Variants in SLC6A2 observed in about 807,000 individuals in gnomAD.
The protein encoded by SLC6A2 is solute carrier family 6 member 2.
SLC6A2 carries 26 observed loss-of-function variants against 71.7 expected under a neutral mutation model. The ratio of observed to expected loss-of-function variants is 0.36; its 90% CI spans 0.27 to 0.50. The LOEUF is 0.50. Ranked by LOEUF, SLC6A2 falls within the 20% of genes least tolerant of loss-of-function variation. The pLI is 0.96. For missense variants in SLC6A2, 581 were observed against 803.9 expected (o/e 0.72, Z 3.35); for synonymous variants, 363 against 337.9 (o/e 1.07, Z -0.82).
Position 55,702,767 on chromosome 16 carries a change from A to G in SLC6A2, c.*421A>G. 9.5e-7 allele frequency: 1 copy of G among 1,054,294 alleles called. No homozygotes were observed. The highest frequency in any genetic ancestry group is 1.1e-6 in the Non-Finnish European group (1 of 873,084). 65.3% of individuals were successfully genotyped at this position (1,054,294 alleles called of 1,614,324 possible). A position where few individuals can be genotyped will look rare whatever the true frequency, so the allele number is the denominator to read the frequency against. ...CCTCCCAAAAAAAAAAAAAACTAAA[A>G]CTAAAGCAAAAATCAAACAAAATCT... On this transcript the variant is annotated 3_prime_UTR_variant, in exon 15 of 15. Coordinates refer to ENST00000568943, the MANE Select transcript of SLC6A2 (RefSeq NM_001172501.3).
intron 2 of SLC6A2, among the ~76,000 whole-genome samples, chr16:55,666,121 G>A (rs2142499805): frequency 6.6e-6 from 1 of 152,314 alleles, no homozygotes; most frequent in Middle Eastern, 3.4e-3. Context: ...TTCCAGGTCT[G>A]CCCTCACCAG....
intron 4 of SLC6A2, among the ~76,000 whole-genome samples, chr16:55,681,431 TTCGGGTC>T (rs1202762827): frequency 1.3e-5 from 2 of 152,216 alleles, no homozygotes. Context: ...GATGAAAGGA[TTCGGGTC>T]ACACAGGATC....
chr16:55,702,433 G>C lies in SLC6A2; in HGVS notation c.*87G>C. 5.0e-6 allele frequency: 8 copies of C among 1,611,942 alleles called. No homozygotes were observed. The highest frequency in any genetic ancestry group is 6.8e-6 in the Non-Finnish European group (8 of 1,178,984). On this transcript the variant is annotated 3_prime_UTR_variant, in exon 15 of 15. Transcript: ENST00000568943. ...GCTCCCACCTCGGACACCATCTTGG[G>C]ATTCCTCCCCTGGAAGTTGTCCTTT...
rs1361558093 is a variant in SLC6A2 at position 55,705,978 on chromosome 16, C to T, written c.*3632C>T. ...GCTGTGGTCTTAGAAGCCACTGAAACATTGGTGAATGTGAAGTCACTTTTG... is the reference window on the plus strand; with the variant it reads ...GCTGTGGTCTTAGAAGCCACTGAAATATTGGTGAATGTGAAGTCACTTTTG... On this transcript the variant is annotated 3_prime_UTR_variant, in exon 15 of 15. Coordinates refer to ENST00000568943, the MANE Select transcript of SLC6A2 (RefSeq NM_001172501.3). 6.6e-6 allele frequency: 1 copy of T among 152,236 alleles called. No homozygotes were observed. The highest frequency in any genetic ancestry group is 2.1e-4 in the South Asian group (1 of 4,832). The allele number at this position is 152,236 out of a possible 1,614,324, so 9.4% of individuals were successfully genotyped here.
At position 55,672,170 on chromosome 16, in the gene SLC6A2, T is replaced by C. The variant is rs1197515457; in HGVS notation, c.639T>C (p.Phe213=). Residue 213 remains phenylalanine (F), a synonymous_variant, in exon 4 of 15, where the codon TTT becomes TTC. Coordinates refer to ENST00000568943, the MANE Select transcript of SLC6A2 (RefSeq NM_001172501.3). The part of the protein sequence containing the change: ...SKYKFTPAAE[F]YERGVLHLHE... ...ACAAGTTCACGCCGGCAGCCGAGTT[T>C]TATGAGTAAGTCACAGACCCCTTGT... is the stretch of plus-strand genomic sequence containing the variant. 1 of 1,614,108 alleles carries C rather than the reference T, an allele frequency of 6.2e-7. No homozygotes were observed.
intron 2 of SLC6A2, among the ~76,000 whole-genome samples, chr16:55,662,601 A>G (rs536494615): frequency 4.6e-5 from 7 of 152,200 alleles, no homozygotes; most frequent in African/African-American, 1.7e-4. Flanking sequence ...AGAGACTAAG[A>G]TGGAGGAAAT....
At position 55,704,419 on chromosome 16, in the gene SLC6A2, C is replaced by T. The variant is rs1452199096; in HGVS notation, c.*2073C>T. 6.6e-6 allele frequency: 1 copy of T among 152,140 alleles called. No individual in the cohort carries two copies. Among genetic ancestry groups the T allele is most frequent in the Non-Finnish European group, 1.5e-5 (1 of 68,050 alleles). 9.4% of individuals were successfully genotyped at this position (152,140 alleles called of 1,614,324 possible). On this transcript the variant is annotated 3_prime_UTR_variant, in exon 15 of 15. Coordinates refer to ENST00000568943, the MANE Select transcript of SLC6A2 (RefSeq NM_001172501.3). ...ATATTCCCTGCACAATAGGGTTCAC[C>T]CCACCCAGGACTGTCATTTTTAAAA...
At chr16:55,700,859 A>G (rs1390040096) in intron 13 of SLC6A2, among the ~76,000 whole-genome samples, 2 of 151,806 alleles carry the variant, frequency 1.3e-5, no homozygotes, top group African/African-American at 4.9e-5. Context: ...GTGTATATAC[A>G]TACATGTATA....
Position 55,696,231 on chromosome 16 carries a change from G to T in SLC6A2, c.1154G>T (p.Gly385Val), listed in dbSNP as rs1965793779. The T allele has an allele frequency of 6.3e-7, 1 of 1,598,956 alleles. No individual in the cohort carries two copies. The highest frequency in any genetic ancestry group is 1.3e-5 in the African/African-American group (1 of 74,544). ...NIEDVATEGA[G>V]LVFILYPEAI... Reference sequence around the variant, plus strand: ...TCCTTGATGTTTCTTACAGGAGCTGGCCTAGTGTTCATCCTGTATCCAGAG... The same window carrying T: ...TCCTTGATGTTTCTTACAGGAGCTGTCCTAGTGTTCATCCTGTATCCAGAG... Residue 385 changes from glycine to valine, a missense_variant, in exon 9 of 15, where the codon GGC becomes GTC. Coordinates refer to ENST00000568943, the MANE Select transcript of SLC6A2 (RefSeq NM_001172501.3).
chr16:55,695,273 C>T lies in SLC6A2; in HGVS notation c.1023-5C>T. The T allele has an allele frequency of 6.2e-7, 1 of 1,614,088 alleles. No homozygotes were observed. Among genetic ancestry groups the T allele is most frequent in the Non-Finnish European group, 8.5e-7 (1 of 1,180,004 alleles). Reference sequence around the variant, plus strand: ...GACTTGACCTCACTGTGCTTCTTCCCCCAGGGATGCCCTGCTGACCAGCAG... The same window carrying T: ...GACTTGACCTCACTGTGCTTCTTCCTCCAGGGATGCCCTGCTGACCAGCAG... On this transcript the variant is annotated splice_region_variant and splice_polypyrimidine_tract_variant and intron_variant, in intron 7 of 14. Coordinates refer to ENST00000568943, the MANE Select transcript of SLC6A2 (RefSeq NM_001172501.3).
chr16:55,659,692 C>A (rs1351450759), intron 2 of SLC6A2, among the ~76,000 whole-genome samples: 1 of 152,178 alleles, frequency 6.6e-6, no homozygotes, highest in Admixed American at 6.5e-5. Context: ...TGCTCCAAGC[C>A]CTCAAAGACC....
rs1174204558 is a variant in SLC6A2 at position 55,705,083 on chromosome 16, G to A, written c.*2737G>A. On this transcript the variant is annotated 3_prime_UTR_variant, in exon 15 of 15. Coordinates refer to ENST00000568943, the MANE Select transcript of SLC6A2 (RefSeq NM_001172501.3). ...CTGTGTACTGTATATGACACTTGAC[G>A]CTTTTGATATTTTTTCAGGTTTTTA... 7 of 762,676 alleles carry A rather than the reference G, an allele frequency of 9.2e-6. No individual in the cohort carries two copies. The highest frequency in any genetic ancestry group is 6.3e-5 in the Admixed American group (3 of 47,748). 47.2% of individuals were successfully genotyped at this position (762,676 alleles called of 1,614,324 possible). A position where few individuals can be genotyped will look rare whatever the true frequency, so the allele number is the denominator to read the frequency against.
chr16:55,696,309 T>C lies in SLC6A2; in HGVS notation c.1232T>C (p.Met411Thr). The change falls in exon 9 of 15, where the codon ATG becomes ACG. Residue 411 changes from methionine to threonine, a missense_variant. Physicochemically the swap from Met to Thr is moderately conservative, Grantham distance 81. Coordinates refer to ENST00000568943, the MANE Select transcript of SLC6A2 (RefSeq NM_001172501.3). ...TTCTGGGCTGTTGTGTTTTTCGTCATGCTCCTGGCGCTGGGCCTTGACAGC... is the reference window on the plus strand; with the variant it reads ...TTCTGGGCTGTTGTGTTTTTCGTCACGCTCCTGGCGCTGGGCCTTGACAGC... ...STFWAVVFFV[M>T]LLALGLDSSM... The C allele has an allele frequency of 6.2e-7, 1 of 1,612,952 alleles. No individual in the cohort carries two copies. The highest frequency in any genetic ancestry group is 8.5e-7 in the Non-Finnish European group (1 of 1,179,298).
intron 2 of SLC6A2, among the ~76,000 whole-genome samples, chr16:55,659,528 C>A (rs1337322412): frequency 6.6e-6 from 1 of 152,150 alleles, no homozygotes; most frequent in Non-Finnish European, 1.5e-5. Flanking sequence ...TGGTTTGTCT[C>A]TTTGTGGGTC....
At chr16:55,699,445 C>A (rs779555425) in intron 11 of SLC6A2, 109 bp from the exon 12 acceptor site, 60 of 817,784 alleles carry the variant, frequency 7.3e-5, no homozygotes, top group Admixed American at 3.9e-4. Flanking sequence ...AGGGTATCAG[C>A]ATCTTGCCTC....
chr16:55,705,539 TG>T lies in SLC6A2; in HGVS notation c.*3194del. 2.7e-6 allele frequency: 1 copy of T among 372,010 alleles called. No homozygotes were observed. Among genetic ancestry groups the T allele is most frequent in the Non-Finnish European group, 4.8e-6 (1 of 208,576 alleles). The allele number at this position is 372,010 out of a possible 1,614,324, so 23.0% of individuals were successfully genotyped here. On this transcript the variant is annotated 3_prime_UTR_variant, in exon 15 of 15. Coordinates refer to ENST00000568943, the MANE Select transcript of SLC6A2 (RefSeq NM_001172501.3). ...AGTTTTACAGACTTGGGTCTGCAGC[TG>T]ACTAGCTGGGTGGCCTGGGGATAGT...
intron 5 of SLC6A2, among the ~76,000 whole-genome samples, chr16:55,687,246 C>T (rs1965482300): frequency 1.5e-3 from 1 of 648 alleles, no homozygotes; most frequent in Non-Finnish European, 7.8e-3. Flanking sequence ...GATCATTGCA[C>T]AAGTAAAGTA....
intron 2 of SLC6A2, among the ~76,000 whole-genome samples, chr16:55,660,428 C>G (rs1292418199): frequency 6.6e-6 from 1 of 152,174 alleles, no homozygotes; most frequent in African/African-American, 2.4e-5. Context: ...TCTCACTTAC[C>G]CCTCATCCCT....
chr16:55,680,005 G>C (rs1965220137), intron 4 of SLC6A2, among the ~76,000 whole-genome samples: 1 of 152,190 alleles, frequency 6.6e-6, no homozygotes, highest in Non-Finnish European at 1.5e-5. Flanking sequence ...GATACCAGCA[G>C]CATCTCCCTC....
Sources: allele counts gnomAD v4.1 joint callset (sites outside exome capture counted in the v4.1 genomes callset), GRCh38; gene constraint gnomAD v4.1.1; transcripts MANE v1.5; gene names NCBI Gene and HGNC (gene_info 2026-07-23, HGNC 2026-07-21).